The following ACACA variants were observed in gnomAD, a reference collection of about 807,000 sequenced individuals.
ACACA encodes acetyl-CoA carboxylase 1.
Under a neutral mutation model 296.1 loss-of-function variants are expected in ACACA, and 103 were observed. The ratio of observed to expected loss-of-function variants is 0.35; its 90% CI spans 0.30 to 0.41. The LOEUF is 0.41. Ranked by LOEUF, ACACA falls within the 10% of genes least tolerant of loss-of-function variation. The probability of loss-of-function intolerance (pLI) is 1.00; values close to 1 mark genes in which losing one functional copy is unlikely to be tolerated. For synonymous variants in ACACA, 953 were observed against 1,038.6 expected (o/e 0.92, Z 1.58); for missense variants, 1,554 against 2,989.7 (o/e 0.52, Z 11.20).
At chr17:37,153,403 C>T (rs2076118919) in intron 43 of ACACA, among the ~76,000 whole-genome samples, 1 of 152,004 alleles carries the variant, frequency 6.6e-6, no homozygotes, top group South Asian at 2.1e-4. Flanking sequence ...TATCTGTGAC[C>T]CTATGTGAAC....
intron 1 of ACACA, 96 bp downstream of exon 1, chr17:37,406,166 C>T: frequency 7.1e-7 from 1 of 1,404,472 alleles, no homozygotes; most frequent in Non-Finnish European, 1.0e-6. Context: ...TATGTGTAAC[C>T]TGCTTTGTGC....
rs576983878 is a variant in ACACA at position 37,127,588 on chromosome 17, G to A, written c.5944+1777C>T. 9.2e-5 allele frequency among the ~76,000 whole-genome samples: 14 copies of A among 152,288 alleles called. No homozygotes were observed. In the South Asian group the frequency reaches 2.1e-3, roughly 23 times the overall value. On this transcript the variant is annotated intron_variant, in intron 47 of 55. Transcript: ENST00000616317. ...TTTTAAGACTGACAGGTGGCCGGGC[G>A]CGGTGGCTCACGCCTATAATCCCAG...
intron 45 of ACACA, among the ~76,000 whole-genome samples, chr17:37,136,134 T>C: frequency 6.6e-6 from 1 of 151,782 alleles, no homozygotes. Flanking sequence ...TACAAGTCTG[T>C]GAATTTTAAT....
At position 37,270,699 on chromosome 17, in the gene ACACA, T is replaced by C. The variant is rs373946719; in HGVS notation, c.1119+52A>G. The stretch of plus-strand genomic sequence containing the variant: ...AAATTATAGTATGAGTTAAATCATA[T>C]ATCTCTGATATACATGTTAGTTCAA... On this transcript the variant is annotated intron_variant, in intron 10 of 55. Coordinates refer to ENST00000616317, the MANE Select transcript of ACACA (RefSeq NM_198834.3). The C allele has an allele frequency of 6.0e-5, 79 of 1,323,624 alleles. No homozygotes were observed. In the African/African-American group the frequency reaches 7.8e-4, roughly 13 times the overall value. 82.0% of individuals were successfully genotyped at this position (1,323,624 alleles called of 1,614,324 possible). A position where few individuals can be genotyped will look rare whatever the true frequency, so the allele number is the denominator to read the frequency against.
chr17:37,351,501 C>A (rs768819438), intron 1 of ACACA, among the ~76,000 whole-genome samples: 4 of 152,094 alleles, frequency 2.6e-5, no homozygotes, highest in Non-Finnish European at 5.9e-5. Context: ...AAATGTTGAA[C>A]CACATGAATG....
intron 25 of ACACA, among the ~76,000 whole-genome samples, chr17:37,227,917 T>G (rs1198344703): frequency 1.3e-5 from 2 of 151,956 alleles, no homozygotes; most frequent in African/African-American, 4.8e-5. Context: ...TAATAAATAT[T>G]TATTCTCCCC....
At chr17:37,117,836 G>C (rs897682314) in intron 50 of ACACA, among the ~76,000 whole-genome samples, 1 of 151,266 alleles carries the variant, frequency 6.6e-6, no homozygotes, top group Admixed American at 6.6e-5. Context: ...CATAGCAAGA[G>C]CTGTCTCTAA....
chr17:37,151,250 C>A, intron 44 of ACACA, 51 bp downstream of exon 44: 1 of 1,611,070 alleles, frequency 6.2e-7, no homozygotes, highest in Non-Finnish European at 8.5e-7. Context: ...AAAAAATAAA[C>A]CTAGCCACAC....
intron 45 of ACACA, 137 bp from the exon 46 acceptor site, chr17:37,130,355 G>T: frequency 1.9e-6 from 2 of 1,053,220 alleles, no homozygotes; most frequent in Non-Finnish European, 1.4e-6. Context: ...TGTTCTGAGG[G>T]ACTATCTGAA....
rs182858200 is a variant in ACACA, at chr17:37,088,733, C to T, written c.7028+205G>A. On this transcript the variant is annotated intron_variant, in intron 55 of 55. Transcript: ENST00000616317. ...TTAAGCCTTCATCTAGCTGAGATTACTAAGTGCCCCTGGGGAGCAGTAGCT... is the reference window on the plus strand; with the variant it reads ...TTAAGCCTTCATCTAGCTGAGATTATTAAGTGCCCCTGGGGAGCAGTAGCT... Among the ~76,000 whole-genome samples, 142 of 152,336 alleles carry T rather than the reference C, an allele frequency of 9.3e-4. 1 individual carries two copies. The highest frequency in any genetic ancestry group is 4.1e-3 in the Admixed American group (63 of 15,306).
chr17:37,107,868 C>T (rs2073775104), intron 52 of ACACA, among the ~76,000 whole-genome samples: 1 of 152,178 alleles, frequency 6.6e-6, no homozygotes, highest in Admixed American at 6.5e-5. Flanking sequence ...CAGGAGAGGA[C>T]CTCAGGTCAC....
chr17:37,103,309 G>A (rs2073471833), intron 52 of ACACA, among the ~76,000 whole-genome samples: 1 of 152,102 alleles, frequency 6.6e-6, no homozygotes, highest in African/African-American at 2.4e-5. Context: ...ATGAGGAGGG[G>A]GATAAAGAGT....
chr17:37,305,046 G>GT (rs1188223123), intron 3 of ACACA, among the ~76,000 whole-genome samples: 1 of 152,132 alleles, frequency 6.6e-6, no homozygotes, highest in Non-Finnish European at 1.5e-5. Context: ...GTTAAATCCA[G>GT]TATCTAGGGA....
chr17:37,225,185 A>G, intron 26 of ACACA, 80 bp from the exon 27 acceptor site: 1 of 841,982 alleles, frequency 1.2e-6, no homozygotes, highest in Non-Finnish European at 2.1e-6. Flanking sequence ...CTGATACAAA[A>G]GCAATAAATA....
At chr17:37,290,285 G>A (rs2082984325) in intron 3 of ACACA, among the ~76,000 whole-genome samples, 1 of 152,214 alleles carries the variant, frequency 6.6e-6, no homozygotes, top group Admixed American at 6.5e-5. Flanking sequence ...CTGGTCTCAA[G>A]TGATCTGCCT....
chr17:37,150,416 C>T (rs2075988468), intron 44 of ACACA, among the ~76,000 whole-genome samples: 1 of 152,024 alleles, frequency 6.6e-6, no homozygotes, highest in Admixed American at 6.5e-5. Context: ...ATGGCACGTG[C>T]CTGTAATCCC....
chr17:37,320,982 T>C (rs1048456491), intron 3 of ACACA, among the ~76,000 whole-genome samples: 11 of 151,300 alleles, frequency 7.3e-5, no homozygotes, highest in Non-Finnish European at 1.6e-4. Flanking sequence ...TGGGAAATAA[T>C]AGCACAATAC....
chr17:37,121,971 T>C (rs1185370134), intron 49 of ACACA, among the ~76,000 whole-genome samples: 1 of 152,012 alleles, frequency 6.6e-6, no homozygotes, highest in Admixed American at 6.6e-5. Flanking sequence ...GATGTGAAAA[T>C]ATAATCCATC....
rs574758486 is a variant in ACACA at position 37,089,902 on chromosome 17, G to A, written c.6892-828C>T. On this transcript the variant is annotated intron_variant, in intron 54 of 55. Transcript: ENST00000616317. ...AGGAATCGTTTTGTTAATGGTTTCC[G>A]GAAAACCAAGTACCACAATTAGGGC... is the stretch of plus-strand genomic sequence containing the variant. Among the ~76,000 whole-genome samples, 4 of 152,036 alleles carry A rather than the reference G, an allele frequency of 2.6e-5. No individual in the cohort carries two copies. The South Asian group carries it at 6.2e-4, about 24-fold the overall frequency.
Sources: gnomAD v4.1 joint callset for allele counts (sites outside exome capture counted in the v4.1 genomes callset) on GRCh38, gnomAD v4.1.1 for gene constraint, MANE v1.5 for transcripts, NCBI Gene and HGNC (gene_info 2026-07-23, HGNC 2026-07-21) for gene names.